Variants in TAOK3 observed in about 807,000 individuals in gnomAD.
TAOK3 encodes TAO kinase 3.
A neutral mutation model predicts 120.4 loss-of-function variants in TAOK3; 40 were observed. The ratio of observed to expected loss-of-function variants is 0.33; its 90% CI spans 0.26 to 0.43. TAOK3 has a LOEUF of 0.43. Among genes scored for constraint, TAOK3 ranks in the 20% least tolerant of loss-of-function variants. TAOK3 has a pLI of 1.00. For missense variants in TAOK3, 821 were observed against 1,112.1 expected (o/e 0.74, Z 3.72); for synonymous variants, 355 against 387.5 (o/e 0.92, Z 0.99).
At chr12:118,256,264 A>G (rs962482373) in intron 2 of TAOK3, among the ~76,000 whole-genome samples, 2 of 152,234 alleles carry the variant, frequency 1.3e-5, no homozygotes, top group African/African-American at 4.8e-5. Flanking sequence ...AAAAAGTAAG[A>G]TAAGTGTTTG....
intron 13 of TAOK3, among the ~76,000 whole-genome samples, chr12:118,197,575 C>T (rs146477954): frequency 6.6e-6 from 1 of 152,048 alleles, no homozygotes; most frequent in East Asian, 1.9e-4. Context: ...GAATTCCTCT[C>T]TTTTGCCCCC....
chr12:118,201,224 A>T (rs902891024), intron 12 of TAOK3, 72 bp downstream of exon 12: 5 of 1,398,094 alleles, frequency 3.6e-6, no homozygotes, highest in Non-Finnish European at 4.9e-6. Context: ...AAAGTTTTTC[A>T]TAGTGCCCAG....
chr12:118,346,588 T>C (rs927254384), intron 1 of TAOK3, among the ~76,000 whole-genome samples: 1 of 152,218 alleles, frequency 6.6e-6, no homozygotes, highest in African/African-American at 2.4e-5. Flanking sequence ...GTTCCCACTA[T>C]TATTAGCACT....
At chr12:118,174,642 A>T (rs180754009) in intron 16 of TAOK3, among the ~76,000 whole-genome samples, 65 of 152,234 alleles carry the variant, frequency 4.3e-4, no homozygotes, top group African/African-American at 1.5e-3. Flanking sequence ...GTTAGAAATA[A>T]GGAAGGTATC....
intron 3 of TAOK3, among the ~76,000 whole-genome samples, chr12:118,252,522 A>G (rs2040800066): frequency 6.6e-6 from 1 of 152,046 alleles, no homozygotes; most frequent in South Asian, 2.1e-4. Context: ...ACAGAGATTT[A>G]CCTTTTAATT....
intron 15 of TAOK3, among the ~76,000 whole-genome samples, chr12:118,178,910 A>T (rs761663418): frequency 6.6e-6 from 1 of 152,200 alleles, no homozygotes; most frequent in Non-Finnish European, 1.5e-5. Context: ...TGAAGGATAT[A>T]CGTAAGACGA....
intron 1 of TAOK3, among the ~76,000 whole-genome samples, chr12:118,271,314 C>T (rs2041690463): frequency 6.6e-6 from 1 of 152,048 alleles, no homozygotes; most frequent in Admixed American, 6.6e-5. Context: ...CAAAACCATA[C>T]CCTTTAGCTA....
At chr12:118,299,981 TC>T (rs2052804764) in intron 1 of TAOK3, among the ~76,000 whole-genome samples, 1 of 152,030 alleles carries the variant, frequency 6.6e-6, no homozygotes. Context: ...TTCTTCTCCT[TC>T]CCCCACTTAC....
intron 9 of TAOK3, among the ~76,000 whole-genome samples, chr12:118,214,693 G>A (rs1490024167): frequency 6.6e-6 from 1 of 150,412 alleles, no homozygotes; most frequent in Non-Finnish European, 1.5e-5. Context: ...TCAGCCTCCT[G>A]AGTAGCTGGG....
At position 118,172,487 on chromosome 12, in the gene TAOK3, C is replaced by T. The variant is rs1327545009; in HGVS notation, c.1869G>A (p.Arg623=). Residue 623 remains arginine (R), a synonymous_variant, in exon 17 of 21, where the codon CGG becomes CGA. Coordinates refer to ENST00000392533, the MANE Select transcript of TAOK3 (RefSeq NM_016281.4). ...RFFKRKIMIK[R]HEVEQQNIRE... is the part of the protein sequence containing the mutation. ...GAATGTTCTGCTGCTCCACCTCGTG[C>T]CGCTTGATCATTATTTTCCGCTTGA... 6.2e-7 allele frequency: 1 copy of T among 1,614,004 alleles called. No homozygotes were observed. Among genetic ancestry groups the T allele is most frequent in the African/African-American group, 1.3e-5 (1 of 74,898 alleles).
Position 118,199,219 on chromosome 12 carries a change from G to A in TAOK3, c.1026C>T (p.Asp342=). Residue 342 remains aspartate, a synonymous_variant, in exon 13 of 21, where the codon GAC becomes GAT. Coordinates refer to ENST00000392533, the MANE Select transcript of TAOK3 (RefSeq NM_016281.4). ...EHGTSLNREM[D]SLGSNHSIPS... ...GAATGGAATGGTTGCTGCCCAGGCT[G>A]TCCATTTCCCTGTTCAGGCTGGTTC... The A allele has an allele frequency of 6.2e-7, 1 of 1,614,130 alleles. No individual in the cohort carries two copies. Among genetic ancestry groups the A allele is most frequent in the Non-Finnish European group, 8.5e-7 (1 of 1,180,020 alleles).
At chr12:118,259,261 C>A (rs974027536) in intron 2 of TAOK3, among the ~76,000 whole-genome samples, 3 of 152,098 alleles carry the variant, frequency 2.0e-5, no homozygotes, top group African/African-American at 7.2e-5. Flanking sequence ...AAACACTGGA[C>A]AAGGCCAGCC....
chr12:118,349,243 A>C (rs2045026538), intron 1 of TAOK3, among the ~76,000 whole-genome samples: 1 of 152,240 alleles, frequency 6.6e-6, no homozygotes, highest in South Asian at 2.1e-4. Flanking sequence ...AAAAGTAATT[A>C]TGAGCAATTC....
Position 118,151,173 on chromosome 12 carries a change from A to G in TAOK3, c.2536-15T>C. ...TCCTCTTCAATCTGAAAGAAGCACG[A>G]TGCAGTTCTTAATGGAAAGCATCTC... On this transcript the variant is annotated splice_polypyrimidine_tract_variant and intron_variant, in intron 20 of 20. Transcript: ENST00000392533. 6.2e-7 allele frequency: 1 copy of G among 1,610,150 alleles called. No homozygotes were observed. The highest frequency in any genetic ancestry group is 8.5e-7 in the Non-Finnish European group (1 of 1,179,370).
At chr12:118,239,821 ATG>A (rs2040168731) in intron 5 of TAOK3, among the ~76,000 whole-genome samples, 1 of 152,176 alleles carries the variant, frequency 6.6e-6, no homozygotes, top group South Asian at 2.1e-4. Context: ...CCTGAGATAT[ATG>A]TGTTATTTAC....
intron 14 of TAOK3, among the ~76,000 whole-genome samples, chr12:118,182,616 TA>T (rs1457196268): frequency 2.9e-4 from 26 of 89,662 alleles, no homozygotes; most frequent in African/African-American, 7.6e-4. Flanking sequence ...TATATATATA[TA>T]TATATATTTT....
chr12:118,156,083 T>C (rs1315874586), intron 19 of TAOK3, among the ~76,000 whole-genome samples: 1 of 152,188 alleles, frequency 6.6e-6, no homozygotes, highest in Non-Finnish European at 1.5e-5. Flanking sequence ...CACACATTGT[T>C]GCAGAGGCTG....
intron 9 of TAOK3, among the ~76,000 whole-genome samples, chr12:118,226,666 CTT>C (rs575719133): frequency 2.8e-4 from 43 of 152,168 alleles, no homozygotes; most frequent in Non-Finnish European, 5.4e-4. Flanking sequence ...GACACTATCA[CTT>C]ATCAATTTGC....
chr12:118,225,320 C>T (rs2139706079), intron 9 of TAOK3, among the ~76,000 whole-genome samples: 1 of 149,922 alleles, frequency 6.7e-6, no homozygotes, highest in East Asian at 1.9e-4. Context: ...TTTCATTATG[C>T]CCCAAACATA....
Sources: gnomAD v4.1 joint callset for allele counts (sites outside exome capture counted in the v4.1 genomes callset) on GRCh38, gnomAD v4.1.1 for gene constraint, MANE v1.5 for transcripts, NCBI Gene and HGNC (gene_info 2026-07-23, HGNC 2026-07-21) for gene names.